The following NKAIN2 variants were observed in gnomAD, a reference collection of about 807,000 sequenced individuals.
NKAIN2 encodes the protein sodium/potassium-transporting ATPase subunit beta-1-interacting protein 2.
In NKAIN2, 14 loss-of-function variants were observed where a neutral mutation model predicts 32.6. The observed-to-expected ratio is 0.43, with a 90% CI of 0.28 to 0.67. NKAIN2 has a LOEUF of 0.67. Among genes scored for constraint, NKAIN2 ranks in the 30% least tolerant of loss-of-function variants. The probability of loss-of-function intolerance (pLI) is 0.17; values close to 1 mark genes in which losing one functional copy is unlikely to be tolerated. For missense variants in NKAIN2, 198 were observed against 258.3 expected (o/e 0.77, Z 1.60); for synonymous variants, 80 against 87.2 (o/e 0.92, Z 0.46).
chr6:124,126,975 T>C (rs1334181176), intron 1 of NKAIN2, among the ~76,000 whole-genome samples: 1 of 152,056 alleles, frequency 6.6e-6, no homozygotes, highest in African/African-American at 2.4e-5. Flanking sequence ...GACGTGCTCC[T>C]GAGTTATTTT....
At chr6:124,813,168 G>T (rs1196354043) in intron 5 of NKAIN2, among the ~76,000 whole-genome samples, 2 of 152,068 alleles carry the variant, frequency 1.3e-5, no homozygotes, top group African/African-American at 2.4e-5. Flanking sequence ...CTTGAAGGAT[G>T]CTACCCTCTT....
At chr6:124,623,731 G>C (rs1331062676) in intron 3 of NKAIN2, among the ~76,000 whole-genome samples, 1 of 152,144 alleles carries the variant, frequency 6.6e-6, no homozygotes, top group Non-Finnish European at 1.5e-5. Flanking sequence ...CAACCATCAG[G>C]AATTTGGTTT....
At chr6:124,142,435 C>G (rs538755956) in intron 1 of NKAIN2, among the ~76,000 whole-genome samples, 17 of 152,264 alleles carry the variant, frequency 1.1e-4, no homozygotes, top group Admixed American at 7.8e-4. Flanking sequence ...ATATTTGTTA[C>G]TTCTACTAAA....
chr6:124,225,319 A>G (rs974093466), intron 1 of NKAIN2, among the ~76,000 whole-genome samples: 1 of 152,052 alleles, frequency 6.6e-6, no homozygotes, highest in African/African-American at 2.4e-5. Context: ...TTTCTTTTCT[A>G]GTCATTTATG....
chr6:124,726,023 C>G (rs948611891), intron 4 of NKAIN2, among the ~76,000 whole-genome samples: 11 of 152,162 alleles, frequency 7.2e-5, no homozygotes, highest in African/African-American at 2.4e-4. Context: ...GGCACACCAC[C>G]AGATTATATC....
In NKAIN2 at chr6:124,480,231, G is replaced by T. The variant is rs564808852; in HGVS notation, c.273+124884G>T. ...GAATGTCTGTACAGCACATTGAGAG[G>T]CATTTCATTTCAGAGTTTAAAATAT... On this transcript the variant is annotated intron_variant, in intron 3 of 6. Transcript: ENST00000368417. Among the ~76,000 whole-genome samples the T allele has an allele frequency of 3.3e-5, 5 of 152,032 alleles. No individual in the cohort carries two copies. The South Asian group carries it at 1.0e-3, about 32-fold the overall frequency.
At chr6:124,330,299 G>T (rs183034944) in intron 2 of NKAIN2, among the ~76,000 whole-genome samples, 2 of 152,278 alleles carry the variant, frequency 1.3e-5, no homozygotes, top group East Asian at 3.9e-4. Flanking sequence ...CTCGGTAATA[G>T]ACTCTGAGAT....
intron 4 of NKAIN2, among the ~76,000 whole-genome samples, chr6:124,773,323 G>C (rs1246937399): frequency 2.0e-5 from 3 of 152,136 alleles, no homozygotes; most frequent in East Asian, 1.9e-4. Context: ...AGAGAGAAGA[G>C]GTGCGAGTGG....
intron 4 of NKAIN2, among the ~76,000 whole-genome samples, chr6:124,780,974 T>C (rs892016923): frequency 1.3e-5 from 2 of 152,224 alleles, no homozygotes; most frequent in Non-Finnish European, 2.9e-5. Context: ...GTGATTTGTC[T>C]GGTAGCTGAG....
intron 1 of NKAIN2, among the ~76,000 whole-genome samples, chr6:123,843,964 A>C (rs1473645273): frequency 1.3e-5 from 2 of 152,178 alleles, no homozygotes; most frequent in East Asian, 3.9e-4. Flanking sequence ...TCCCTGGTTC[A>C]TGAGATTCCC....
intron 4 of NKAIN2, among the ~76,000 whole-genome samples, chr6:124,714,183 A>G (rs528790349): frequency 1.2e-4 from 18 of 152,204 alleles, no homozygotes; most frequent in Non-Finnish European, 2.1e-4. Context: ...TGTAATCTAC[A>G]TAAATATTGG....
intron 3 of NKAIN2, among the ~76,000 whole-genome samples, chr6:124,432,948 C>T (rs1775281045): frequency 6.6e-6 from 1 of 152,158 alleles, no homozygotes; most frequent in Non-Finnish European, 1.5e-5. Flanking sequence ...CCCCCCGACA[C>T]ATCCATGAAG....
At chr6:124,095,563 A>C (rs565199273) in intron 1 of NKAIN2, among the ~76,000 whole-genome samples, 58 of 152,292 alleles carry the variant, frequency 3.8e-4, no homozygotes, top group Middle Eastern at 3.4e-3. Flanking sequence ...TAATTTTAAC[A>C]TGATGTGTAC....
At chr6:124,668,106 A>G (rs914304094) in intron 4 of NKAIN2, among the ~76,000 whole-genome samples, 2 of 152,142 alleles carry the variant, frequency 1.3e-5, no homozygotes, top group South Asian at 4.1e-4. Flanking sequence ...GACTCCTATC[A>G]AGCAGTGGCC....
chr6:124,169,266 C>G (rs1788727676), intron 1 of NKAIN2, among the ~76,000 whole-genome samples: 1 of 151,898 alleles, frequency 6.6e-6, no homozygotes, highest in Non-Finnish European at 1.5e-5. Flanking sequence ...TCTCTTAGAT[C>G]TAAATAATAT....
At chr6:124,360,639 G>A (rs11154226) in intron 3 of NKAIN2, among the ~76,000 whole-genome samples, 30,183 of 151,822 alleles carry the variant, frequency 0.2, 3,103 homozygotes, top group Admixed American at 0.28. Flanking sequence ...ACTTTTAAAT[G>A]TTATATCATA....
chr6:124,807,018 A>G (rs1473157314), intron 5 of NKAIN2, among the ~76,000 whole-genome samples: 1 of 152,206 alleles, frequency 6.6e-6, no homozygotes, highest in African/African-American at 2.4e-5. Flanking sequence ...AAAGAGACTT[A>G]CACTCCCACA....
intron 3 of NKAIN2, among the ~76,000 whole-genome samples, chr6:124,410,283 G>A (rs1180001923): frequency 6.6e-6 from 1 of 152,090 alleles, no homozygotes; most frequent in Non-Finnish European, 1.5e-5. Flanking sequence ...TAATTGTGAT[G>A]TTAGGGTGTC....
intron 1 of NKAIN2, among the ~76,000 whole-genome samples, chr6:123,879,299 A>G (rs747271419): frequency 2.0e-5 from 3 of 152,188 alleles, no homozygotes; most frequent in Non-Finnish European, 4.4e-5. Flanking sequence ...TTTATGTAGT[A>G]TGGTTATCTT....
Sources: gnomAD v4.1 joint callset for allele counts (sites outside exome capture counted in the v4.1 genomes callset) on GRCh38, gnomAD v4.1.1 for gene constraint, MANE v1.5 for transcripts, NCBI Gene and HGNC (gene_info 2026-07-23, HGNC 2026-07-21) for gene names.